CDH18: variants seen among roughly 807,000 people sequenced by gnomAD.
CDH18 encodes cadherin 18.
In CDH18, 31 loss-of-function variants were observed where a neutral mutation model predicts 67.9. The ratio of observed to expected loss-of-function variants is 0.46; its 90% CI spans 0.34 to 0.62. CDH18 has a LOEUF of 0.62. Among genes scored for constraint, CDH18 ranks in the 20% least tolerant of loss-of-function variants. The pLI is 0.01. For missense variants in CDH18, 890 were observed against 975.5 expected, an observed-to-expected ratio of 0.91 and a Z score of 1.17; for synonymous variants, 362 against 347.2, an observed-to-expected ratio of 1.04 and a Z score of -0.48.
At chr5:19,815,729 C>T (rs1779219217) in intron 3 of CDH18, among the ~76,000 whole-genome samples, 1 of 151,920 alleles carries the variant, frequency 6.6e-6, no homozygotes, top group African/African-American at 2.4e-5. Flanking sequence ...ATCCTATGAA[C>T]ACGAAGAGGC....
chr5:19,533,908 T>A (rs1323109973), intron 9 of CDH18, among the ~76,000 whole-genome samples: 1 of 152,168 alleles, frequency 6.6e-6, no homozygotes, highest in Non-Finnish European at 1.5e-5. Context: ...ATTAGAAATT[T>A]AATGAAAGGA....
intron 8 of CDH18, among the ~76,000 whole-genome samples, chr5:19,547,503 A>G (rs1007786224): frequency 6.6e-6 from 1 of 152,134 alleles, no homozygotes. Context: ...CTGGAAGAAA[A>G]TAGGTTTTGT....
chr5:19,656,670 CAT>C (rs1375184722), intron 5 of CDH18, among the ~76,000 whole-genome samples: 3 of 151,636 alleles, frequency 2.0e-5, no homozygotes, highest in African/African-American at 7.3e-5. Context: ...AAACTGATGA[CAT>C]ATTGTAAAAA....
At chr5:20,207,471 G>A (rs772716217) in intron 2 of CDH18, among the ~76,000 whole-genome samples, 1 of 151,972 alleles carries the variant, frequency 6.6e-6, no homozygotes, top group African/African-American at 2.4e-5. Flanking sequence ...AAAAGAAAGA[G>A]GTTTAAGGGA....
At chr5:20,091,490 T>C (rs1745420139) in intron 2 of CDH18, among the ~76,000 whole-genome samples, 1 of 152,028 alleles carries the variant, frequency 6.6e-6, no homozygotes, top group Non-Finnish European at 1.5e-5. Context: ...GGTGACAGAG[T>C]GAGACCCTGT....
intron 2 of CDH18, among the ~76,000 whole-genome samples, chr5:20,110,477 G>A (rs1747367872): frequency 6.6e-6 from 1 of 152,166 alleles, no homozygotes; most frequent in Non-Finnish European, 1.5e-5. Context: ...CAGGTCAGGA[G>A]TTTGAGACCA....
chr5:20,382,582 A>C (rs1261679136), intron 1 of CDH18, among the ~76,000 whole-genome samples: 1 of 152,126 alleles, frequency 6.6e-6, no homozygotes, highest in Non-Finnish European at 1.5e-5. Flanking sequence ...GTTTCTATAG[A>C]AGGAAATGGG....
intron 5 of CDH18, among the ~76,000 whole-genome samples, chr5:19,694,793 A>T (rs1013451625): frequency 2.0e-5 from 3 of 151,968 alleles, no homozygotes; most frequent in African/African-American, 7.3e-5. Flanking sequence ...AATGAACAAC[A>T]AGGACAACTG....
chr5:20,168,424 G>GA (rs1297859677), intron 2 of CDH18, among the ~76,000 whole-genome samples: 2 of 151,676 alleles, frequency 1.3e-5, no homozygotes, highest in Non-Finnish European at 2.9e-5. Flanking sequence ...TAGTAAAATA[G>GA]AAAAAATAAA....
At position 19,963,780 on chromosome 5, in the gene CDH18, G is replaced by C. The variant is rs143919428; in HGVS notation, c.-257+17280C>G. Among the ~76,000 whole-genome samples, 237 of 151,808 alleles carry C rather than the reference G, an allele frequency of 1.6e-3. 3 individuals are homozygous for C. Among genetic ancestry groups the C allele is most frequent in the African/African-American group, 5.5e-3 (227 of 41,432 alleles). On this transcript the variant is annotated intron_variant, in intron 2 of 12. Coordinates refer to ENST00000382275, the MANE Select transcript of CDH18 (RefSeq NM_004934.5). ...ATAAAGTAATTTACAAATAAATGAA[G>C]TTTAATCGACTCACAGTTCTGCATG...
intron 8 of CDH18, among the ~76,000 whole-genome samples, chr5:19,551,844 A>G (rs555563055): frequency 8.5e-5 from 13 of 152,266 alleles, no homozygotes; most frequent in African/African-American, 3.1e-4. Context: ...AAATTTTGTC[A>G]GAAAATTAAT....
intron 8 of CDH18, among the ~76,000 whole-genome samples, chr5:19,545,480 T>G (rs347743): frequency 0.11 from 16,583 of 152,206 alleles, 1,365 homozygotes; most frequent in African/African-American, 0.23. Context: ...TTTTATCATA[T>G]ACTGTAGAAA....
chr5:20,506,613 T>G (rs530982456), intron 1 of CDH18, among the ~76,000 whole-genome samples: 1 of 152,282 alleles, frequency 6.6e-6, no homozygotes, highest in East Asian at 1.9e-4. Flanking sequence ...TGATTTCTGC[T>G]TTGAGACACT....
intron 1 of CDH18, among the ~76,000 whole-genome samples, chr5:20,339,385 G>A (rs1459351807): frequency 6.6e-6 from 1 of 152,060 alleles, no homozygotes; most frequent in Admixed American, 6.6e-5. Flanking sequence ...GGTCCCATAT[G>A]TATAAGCCTC....
chr5:20,530,384 T>C (rs1315704157), intron 1 of CDH18, among the ~76,000 whole-genome samples: 1 of 151,968 alleles, frequency 6.6e-6, no homozygotes, highest in Non-Finnish European at 1.5e-5. Context: ...AAAAAAAACC[T>C]ATTTTAAAAT....
intron 1 of CDH18, among the ~76,000 whole-genome samples, chr5:20,284,951 C>T (rs1450984846): frequency 2.0e-5 from 3 of 151,720 alleles, no homozygotes; most frequent in Admixed American, 1.3e-4. Flanking sequence ...TTGAAAAACT[C>T]TTACATAGAA....
At chr5:20,470,892 A>G (rs1752009660) in intron 1 of CDH18, among the ~76,000 whole-genome samples, 1 of 152,196 alleles carries the variant, frequency 6.6e-6, no homozygotes, top group Non-Finnish European at 1.5e-5. Context: ...CATTAAGTCT[A>G]TCTCCAATGT....
At chr5:19,744,242 C>A (rs1010359852) in intron 4 of CDH18, among the ~76,000 whole-genome samples, 1 of 152,062 alleles carries the variant, frequency 6.6e-6, no homozygotes, top group African/African-American at 2.4e-5. Context: ...CTTACTCTGT[C>A]TTGTTCTTTT....
intron 2 of CDH18, among the ~76,000 whole-genome samples, chr5:20,099,101 T>C (rs1158401147): frequency 1.3e-5 from 2 of 152,226 alleles, no homozygotes; most frequent in African/African-American, 4.8e-5. Flanking sequence ...TGCAAAGATG[T>C]TGATATTTTG....
Sources: allele counts gnomAD v4.1 joint callset (sites outside exome capture counted in the v4.1 genomes callset), GRCh38; gene constraint gnomAD v4.1.1; transcripts MANE v1.5; gene names NCBI Gene and HGNC (gene_info 2026-07-23, HGNC 2026-07-21).